The following TYW1B variants were observed in gnomAD, a reference collection of about 807,000 sequenced individuals.
TYW1B encodes tRNA-yW synthesizing protein 1 homolog B.
In TYW1B, 73 loss-of-function variants were observed where a neutral mutation model predicts 86.9. The ratio of observed to expected loss-of-function variants is 0.84; its 90% confidence interval spans 0.70 to 1.02. The LOEUF is 1.02. Ranked by LOEUF, TYW1B falls within the 50% of genes least tolerant of loss-of-function variation. TYW1B has a pLI of 0.00. For synonymous variants in TYW1B, 248 were observed against 292.8 expected (o/e 0.85, Z 1.56); for missense variants, 637 against 827.4 (o/e 0.77, Z 2.82).
chr7:72,627,456 GTAACATAACATAACATAACATAACA>G (rs368171802), intron 12 of TYW1B, among the ~76,000 whole-genome samples: 11 of 124,614 alleles, frequency 8.8e-5, no homozygotes, highest in East Asian at 4.9e-4. Flanking sequence ...TCAAAAAACA[GTAACATAACATAACATAACATAACA>G]TAACATAACA....
At chr7:72,704,129 T>C (rs1814558752) in intron 10 of TYW1B, among the ~76,000 whole-genome samples, 1 of 151,992 alleles carries the variant, frequency 6.6e-6, no homozygotes, top group South Asian at 2.1e-4. Context: ...CTTAACGTTT[T>C]ATTATTAAGA....
intron 11 of TYW1B, among the ~76,000 whole-genome samples, chr7:72,676,829 G>A (rs1171832119): frequency 1.3e-5 from 2 of 152,084 alleles, no homozygotes; most frequent in East Asian, 1.9e-4. Context: ...GTGGTGGCAT[G>A]TGCCTGTAAT....
intron 13 of TYW1B, among the ~76,000 whole-genome samples, chr7:72,601,585 A>T (rs1811667976): frequency 6.6e-6 from 1 of 152,104 alleles, no homozygotes; most frequent in Admixed American, 6.6e-5. Flanking sequence ...AGCTTTGTTC[A>T]TAATTGTCCC....
chr7:72,786,205 G>A (rs1468274489), intron 6 of TYW1B, among the ~76,000 whole-genome samples: 1 of 152,060 alleles, frequency 6.6e-6, no homozygotes, highest in Non-Finnish European at 1.5e-5. Flanking sequence ...ATATCCCCTA[G>A]AAATTGAAAA....
chr7:72,642,041 A>G (rs1200801872), intron 11 of TYW1B, among the ~76,000 whole-genome samples: 4 of 152,230 alleles, frequency 2.6e-5, no homozygotes, highest in Non-Finnish European at 5.9e-5. Context: ...AGATCAAAGG[A>G]ACAGAACTGG....
chr7:72,629,741 C>A (rs1812438453), intron 11 of TYW1B, among the ~76,000 whole-genome samples: 1 of 151,862 alleles, frequency 6.6e-6, no homozygotes, highest in African/African-American at 2.4e-5. Context: ...GAGATGGGGT[C>A]CTTGCTGTGT....
intron 5 of TYW1B, among the ~76,000 whole-genome samples, chr7:72,805,965 T>C (rs1246415257): frequency 1.3e-5 from 2 of 151,778 alleles, no homozygotes; most frequent in Non-Finnish European, 2.9e-5. Context: ...TTCAAAGGAA[T>C]TGGGGTATTT....
Position 72,818,376 on chromosome 7 carries a change from G to A in TYW1B, c.136-2895C>T, listed in dbSNP as rs1476397810. Among the ~76,000 whole-genome samples the A allele has an allele frequency of 2.6e-5, 4 of 151,880 alleles. No individual in the cohort carries two copies. In the East Asian group the frequency reaches 7.7e-4, roughly 29 times the overall value. ...GCGGGTGGATCACTTGAGGTCAGGA[G>A]TTCGAGACCAGCCTGGGCATGGTGA... On this transcript the variant is annotated intron_variant, in intron 2 of 13. Transcript: ENST00000620995.
chr7:72,776,522 C>A (rs578106149), intron 7 of TYW1B, among the ~76,000 whole-genome samples: 149 of 132,652 alleles, frequency 1.1e-3, no homozygotes, highest in African/African-American at 4.2e-3. Context: ...GATTATGCCA[C>A]CGCACTCCAG....
At chr7:72,691,522 G>C (rs1814159976) in intron 11 of TYW1B, among the ~76,000 whole-genome samples, 1 of 152,138 alleles carries the variant, frequency 6.6e-6, no homozygotes, top group South Asian at 2.1e-4. Context: ...GTGACTTCAA[G>C]GTAAGAATTC....
intron 7 of TYW1B, among the ~76,000 whole-genome samples, chr7:72,762,641 C>T (rs1163261601): frequency 1.3e-5 from 2 of 152,036 alleles, no homozygotes; most frequent in African/African-American, 4.8e-5. Context: ...TTCCTCTACT[C>T]AAGGTACTAG....
At chr7:72,810,329 A>G (rs1380165322) in intron 4 of TYW1B, 142 bp downstream of exon 4, 21 of 971,636 alleles carry the variant, frequency 2.2e-5, no homozygotes, top group East Asian at 5.6e-5. Flanking sequence ...ACTAGCTACC[A>G]AAGTTTGTGG....
At chr7:72,605,155 C>A (rs1159088997) in intron 13 of TYW1B, among the ~76,000 whole-genome samples, 2 of 152,216 alleles carry the variant, frequency 1.3e-5, no homozygotes, top group South Asian at 4.1e-4. Context: ...ATGACAATGA[C>A]AATATCACTG....
At chr7:72,658,672 G>C (rs1267847806) in intron 11 of TYW1B, among the ~76,000 whole-genome samples, 4 of 152,136 alleles carry the variant, frequency 2.6e-5, no homozygotes, top group African/African-American at 9.7e-5. Context: ...AAACAATATG[G>C]ATATGTATGT....
intron 13 of TYW1B, among the ~76,000 whole-genome samples, chr7:72,602,833 AACACACAC>A (rs55709140): frequency 0.17 from 22,275 of 128,048 alleles, 1,670 homozygotes; most frequent in Middle Eastern, 0.27. Flanking sequence ...AAGTGCTCAA[AACACACAC>A]ACACACACAC....
At chr7:72,683,136 C>T (rs1185242722) in intron 11 of TYW1B, among the ~76,000 whole-genome samples, 1 of 152,148 alleles carries the variant, frequency 6.6e-6, no homozygotes, top group Non-Finnish European at 1.5e-5. Context: ...AAATACCCAA[C>T]TCCAGCCAGC....
At chr7:72,732,886 A>G (rs1787136332) in intron 8 of TYW1B, among the ~76,000 whole-genome samples, 1 of 152,122 alleles carries the variant, frequency 6.6e-6, no homozygotes, top group Admixed American at 6.5e-5. Flanking sequence ...AGATCCAAAT[A>G]AATATATCAG....
At position 72,807,316 on chromosome 7, in the gene TYW1B, A is replaced by G. The variant is rs1788517302; in HGVS notation, c.473T>C (p.Val158Ala). ...CTCCCCTCGACTCATCACACGATGC[A>G]CGCCAAGCATCCAGAGCCACTTGTC... ...NVDKWLWMLG[V>A]HRVMSRGEGD... Residue 158 changes from valine to alanine, a missense_variant, in exon 5 of 14, where the codon GTG (valine) becomes GCG (alanine). Val to Ala is a moderately conservative substitution (Grantham distance 64, BLOSUM62 0). Coordinates refer to ENST00000620995, the MANE Select transcript of TYW1B (RefSeq NM_001145440.3). 6.2e-7 allele frequency: 1 copy of G among 1,613,980 alleles called. No individual in the cohort carries two copies. Among genetic ancestry groups the G allele is most frequent in the Non-Finnish European group, 8.5e-7 (1 of 1,179,908 alleles).
chr7:72,690,240 G>T (rs1814113098), intron 11 of TYW1B, among the ~76,000 whole-genome samples: 1 of 152,174 alleles, frequency 6.6e-6, no homozygotes, highest in African/African-American at 2.4e-5. Flanking sequence ...TGGTCACATT[G>T]CTGATAAAAG....
Sources: allele counts gnomAD v4.1 joint callset (sites outside exome capture counted in the v4.1 genomes callset), GRCh38; gene constraint gnomAD v4.1.1; transcripts MANE v1.5; gene names NCBI Gene and HGNC (gene_info 2026-07-23, HGNC 2026-07-21).